SLC60A1: variants seen among roughly 807,000 people sequenced by gnomAD.
SLC60A1 encodes the protein major facilitator superfamily domain containing 4.
chr1:205,596,578 A>AG, the SLC60A1 span, among the ~76,000 whole-genome samples: 118 of 137,894 alleles, frequency 8.6e-4, no homozygotes, highest in Non-Finnish European at 1.4e-3. Context: ...AAAAAAAAAA[A>AG]GATGAATGAT....
At chr1:205,584,218 ATTTTTT>A in the SLC60A1 span, 18 of 793,570 alleles carry the variant, frequency 2.3e-5, no homozygotes, top group South Asian at 4.4e-5. Context: ...ATCACAGGTG[ATTTTTT>A]TTTTTTTTTT....
chr1:205,579,202 T>G, the SLC60A1 span, among the ~76,000 whole-genome samples: 1 of 152,196 alleles, frequency 6.6e-6, no homozygotes, highest in East Asian at 1.9e-4. Flanking sequence ...ATACCTGGGT[T>G]GTGGGCGCTG....
chr1:205,597,300 C>T, the SLC60A1 span, among the ~76,000 whole-genome samples: 3 of 149,822 alleles, frequency 2.0e-5, no homozygotes, highest in South Asian at 2.1e-4. Context: ...GTTACAGGCT[C>T]ATGTCTGAGA....
the SLC60A1 span, chr1:205,597,965 C>A: frequency 1.8e-6 from 2 of 1,111,602 alleles, no homozygotes; most frequent in Non-Finnish European, 2.7e-6. Context: ...GAGTCTCCAG[C>A]AAAGCCAGCA....
the SLC60A1 span, among the ~76,000 whole-genome samples, chr1:205,574,155 A>G: frequency 3.9e-5 from 6 of 152,076 alleles, 2 homozygotes; most frequent in South Asian, 1.2e-3. Flanking sequence ...TTAAGTTAAA[A>G]AAACCTCAAA....
chr1:205,599,276 C>G, the SLC60A1 span: 1 of 1,612,516 alleles, frequency 6.2e-7, no homozygotes, highest in Non-Finnish European at 8.5e-7. Context: ...TGTTTCTACA[C>G]AAGAGGAGGA....
chr1:205,599,512 T>C, the SLC60A1 span, among the ~76,000 whole-genome samples: 1 of 152,170 alleles, frequency 6.6e-6, no homozygotes, highest in Non-Finnish European at 1.5e-5. Context: ...GGGTATGGAT[T>C]GTGAACTTGG....
the SLC60A1 span, chr1:205,584,002 G>A: frequency 6.2e-7 from 1 of 1,613,996 alleles, no homozygotes; most frequent in South Asian, 1.1e-5. Context: ...AGGAGCGGCT[G>A]CTGACCTGCT....
the SLC60A1 span, chr1:205,580,755 C>T: frequency 3.0e-5 from 48 of 1,613,976 alleles, no homozygotes; most frequent in Non-Finnish European, 3.6e-5. This position sits in a 1 kb window ranked among gnomAD's most constrained non-coding sequence, Gnocchi z 5.0. Context: ...GCCAATAGCA[C>T]GGCCAACACC....
chr1:205,575,331 T>C, the SLC60A1 span, among the ~76,000 whole-genome samples: 2 of 152,204 alleles, frequency 1.3e-5, no homozygotes, highest in Non-Finnish European at 2.9e-5. Flanking sequence ...TAAGCATCCC[T>C]GCTGGGCAGA....
the SLC60A1 span, among the ~76,000 whole-genome samples, chr1:205,577,341 A>G: frequency 2.6e-5 from 4 of 152,142 alleles, no homozygotes; most frequent in Admixed American, 6.5e-5. This position sits in a 1 kb window ranked among gnomAD's most constrained non-coding sequence, Gnocchi z 5.2. Flanking sequence ...GCGTTCCCCA[A>G]GCACTGCGCC....
the SLC60A1 span, among the ~76,000 whole-genome samples, chr1:205,587,068 G>A: frequency 6.6e-6 from 1 of 152,176 alleles, no homozygotes; most frequent in Admixed American, 6.5e-5. Flanking sequence ...GGAGGCAGGA[G>A]GTCTGGGCCT....
chr1:205,599,152 T>C, the SLC60A1 span: 1 of 1,614,092 alleles, frequency 6.2e-7, no homozygotes, highest in African/African-American at 1.3e-5. Context: ...TCAGGGCAGC[T>C]ATAGTTTCCT....
the SLC60A1 span, among the ~76,000 whole-genome samples, chr1:205,576,360 G>T: frequency 6.6e-6 from 1 of 152,204 alleles, no homozygotes; most frequent in Non-Finnish European, 1.5e-5. Flanking sequence ...AAATCCCAGA[G>T]AGTGAGCAAA....
the SLC60A1 span, chr1:205,599,302 C>T: frequency 7.2e-5 from 116 of 1,604,682 alleles, no homozygotes; most frequent in Non-Finnish European, 9.3e-5. Flanking sequence ...GAGCCGGGGT[C>T]GGGGAGCGGG....
the SLC60A1 span, chr1:205,599,254 AAGGAAAGT>A: frequency 4.3e-6 from 7 of 1,613,842 alleles, no homozygotes; most frequent in Non-Finnish European, 5.9e-6. Flanking sequence ...CCCATCAGGT[AAGGAAAGT>A]ATCTGTTTCT....
chr1:205,602,168 A>G, the SLC60A1 span: 7 of 152,468 alleles, frequency 4.6e-5, no homozygotes, highest in East Asian at 1.2e-3. Flanking sequence ...CTCTATGTAT[A>G]TACAAATGTA....
chr1:205,583,998 G>A, the SLC60A1 span: 19 of 1,613,860 alleles, frequency 1.2e-5, no homozygotes, highest in Non-Finnish European at 1.4e-5. Flanking sequence ...TCCAAGGAGC[G>A]GCTGCTGACC....
the SLC60A1 span, chr1:205,586,281 G>T: frequency 6.4e-7 from 1 of 1,564,018 alleles, no homozygotes. Flanking sequence ...CCTACCCCAG[G>T]ACGTTTGCCC....
Sources: allele counts gnomAD v4.1 joint callset (sites outside exome capture counted in the v4.1 genomes callset), GRCh38; gene constraint gnomAD v4.1.1; non-coding constraint Gnocchi (gnomAD v3.1); transcripts MANE v1.5; gene names NCBI Gene and HGNC (gene_info 2026-07-23, HGNC 2026-07-21).